The following LRP1B variants were observed in gnomAD, a reference collection of about 807,000 sequenced individuals.
LRP1B encodes the protein LDL receptor related protein 1B.
A neutral mutation model predicts 556.6 loss-of-function variants in LRP1B; 217 were observed. The ratio of observed to expected loss-of-function variants is 0.39; its 90% CI spans 0.35 to 0.44. LRP1B has a LOEUF of 0.44. LRP1B is among the 20% of genes least tolerant of loss of function. The pLI is 1.00. For missense variants in LRP1B, 5,053 were observed against 5,620.8 expected, an observed-to-expected ratio of 0.90 and a Z score of 3.23; for synonymous variants, 2,047 against 1,865.8, an observed-to-expected ratio of 1.10 and a Z score of -2.50.
intron 11 of LRP1B, among the ~76,000 whole-genome samples, chr2:141,032,694 T>C (rs999968990): frequency 6.6e-6 from 1 of 151,962 alleles, no homozygotes; most frequent in Non-Finnish European, 1.5e-5. Context: ...CATTGTTTTC[T>C]GTTATATGAA....
chr2:141,372,655 GT>G lies in LRP1B; in HGVS notation c.343+107740del, dbSNP rs536090988. Among the ~76,000 whole-genome samples, 623 of 152,000 alleles carry G rather than the reference GT, an allele frequency of 4.1e-3. 2 individuals carry two copies. The highest frequency in any genetic ancestry group is 0.014 in the African/African-American group (575 of 41,494). On this transcript the variant is annotated intron_variant, in intron 3 of 90. Coordinates refer to ENST00000389484, the MANE Select transcript of LRP1B (RefSeq NM_018557.3). ...GAATTTATTTCCTCTATCTTTTCTAGTTTGTGAGCATACAGATGTTCATAGC... is the reference window on the plus strand; with the variant it reads ...GAATTTATTTCCTCTATCTTTTCTAGTTGTGAGCATACAGATGTTCATAGC...
intron 18 of LRP1B, among the ~76,000 whole-genome samples, chr2:140,973,052 TTATATATA>T (rs200336213): frequency 0.042 from 5,773 of 138,418 alleles, 313 homozygotes; most frequent in African/African-American, 0.13. Context: ...ATATTTCATT[TTATATATA>T]TATATATATA....
chr2:140,352,929 T>A (rs1364617789), intron 76 of LRP1B, 24 bp downstream of exon 76: 2 of 1,592,808 alleles, frequency 1.3e-6, no homozygotes, highest in Non-Finnish European at 1.7e-6. Context: ...GTAATAGGAT[T>A]TGCAATAGTG....
At chr2:141,886,525 A>G (rs1699119709) in intron 1 of LRP1B, among the ~76,000 whole-genome samples, 1 of 152,174 alleles carries the variant, frequency 6.6e-6, no homozygotes, top group Non-Finnish European at 1.5e-5. Context: ...TGGACCTTGA[A>G]GGCTGAATGC....
At chr2:140,877,059 TC>T (rs1693331104) in intron 25 of LRP1B, among the ~76,000 whole-genome samples, 1 of 152,284 alleles carries the variant, frequency 6.6e-6, no homozygotes, top group South Asian at 2.1e-4. Context: ...TCATTTTTTT[TC>T]CTTTTTCCTT....
intron 6 of LRP1B, among the ~76,000 whole-genome samples, chr2:141,202,211 A>G (rs1237562070): frequency 6.7e-6 from 1 of 150,018 alleles, no homozygotes; most frequent in African/African-American, 2.4e-5. Flanking sequence ...CTCCAGCTCC[A>G]TCCATGTTAC....
intron 3 of LRP1B, among the ~76,000 whole-genome samples, chr2:141,373,527 T>C (rs1689312004): frequency 6.6e-6 from 1 of 152,086 alleles, no homozygotes; most frequent in African/African-American, 2.4e-5. Context: ...GACTCCAGTG[T>C]TGGGTGCATA....
At chr2:142,038,383 C>A (rs1703958199) in intron 1 of LRP1B, among the ~76,000 whole-genome samples, 1 of 151,578 alleles carries the variant, frequency 6.6e-6, no homozygotes, top group Admixed American at 6.6e-5. Context: ...CAGCTGCTAA[C>A]AAACTCAAAG....
chr2:140,932,938 C>CACATATACACATAT (rs990381648), intron 20 of LRP1B, among the ~76,000 whole-genome samples: 1 of 108,936 alleles, frequency 9.2e-6, no homozygotes, highest in East Asian at 2.7e-4. Context: ...TATATATATA[C>CACATATACACATAT]ACATATACAC....
intron 43 of LRP1B, among the ~76,000 whole-genome samples, chr2:140,588,352 G>C (rs908548852): frequency 1.3e-5 from 2 of 152,172 alleles, no homozygotes; most frequent in Admixed American, 6.5e-5. Flanking sequence ...TGGGTAAATG[G>C]TGATGCTTGT....
At chr2:141,457,226 T>C (rs990740523) in intron 3 of LRP1B, among the ~76,000 whole-genome samples, 1 of 152,252 alleles carries the variant, frequency 6.6e-6, no homozygotes, top group East Asian at 1.9e-4. Context: ...CTTGTGTGGT[T>C]TCAGGAGGCT....
intron 7 of LRP1B, among the ~76,000 whole-genome samples, chr2:141,103,997 T>C (rs1175177066): frequency 6.6e-6 from 1 of 152,076 alleles, no homozygotes; most frequent in Non-Finnish European, 1.5e-5. Flanking sequence ...ATTTTTTGTT[T>C]AGTTTCTTGC....
At chr2:140,274,686 A>C in intron 84 of LRP1B, 88 bp from the exon 85 acceptor site, 1 of 1,048,510 alleles carries the variant, frequency 9.5e-7, no homozygotes, top group South Asian at 1.7e-5. Flanking sequence ...TTCATTTATT[A>C]CTTAAAAATA....
chr2:141,070,424 C>T (rs1699605869), intron 7 of LRP1B, among the ~76,000 whole-genome samples: 1 of 151,632 alleles, frequency 6.6e-6, no homozygotes, highest in African/African-American at 2.4e-5. Flanking sequence ...AATTGACACC[C>T]TAACATCACT....
intron 2 of LRP1B, among the ~76,000 whole-genome samples, chr2:141,568,336 G>A (rs1477325111): frequency 1.3e-5 from 2 of 151,062 alleles, no homozygotes; most frequent in Admixed American, 6.6e-5. Context: ...AAAAAGGAAG[G>A]TTAGAGCCAA....
At chr2:140,921,453 T>C (rs1384510977) in intron 21 of LRP1B, among the ~76,000 whole-genome samples, 1 of 152,046 alleles carries the variant, frequency 6.6e-6, no homozygotes, top group East Asian at 1.9e-4. Context: ...CTTTGAAGTA[T>C]GTTAACTCGA....
chr2:141,485,358 T>C (rs1351679071), intron 2 of LRP1B, among the ~76,000 whole-genome samples: 1 of 152,098 alleles, frequency 6.6e-6, no homozygotes, highest in Non-Finnish European at 1.5e-5. Flanking sequence ...TACACTGGAG[T>C]AAATAGCAAA....
chr2:140,303,106 T>A (rs1476164547), intron 83 of LRP1B, among the ~76,000 whole-genome samples: 2 of 148,802 alleles, frequency 1.3e-5, no homozygotes, highest in East Asian at 3.9e-4. Context: ...GATACAAATA[T>A]ATATGCATAA....
intron 85 of LRP1B, among the ~76,000 whole-genome samples, chr2:140,272,258 AACAC>A (rs10654741): frequency 0.049 from 7,366 of 149,390 alleles, 198 homozygotes; most frequent in South Asian, 0.079. Flanking sequence ...TGCACACACA[AACAC>A]ACACACACAC....
Sources: gnomAD v4.1 joint callset for allele counts (sites outside exome capture counted in the v4.1 genomes callset) on GRCh38, gnomAD v4.1.1 for gene constraint, MANE v1.5 for transcripts, NCBI Gene and HGNC (gene_info 2026-07-23, HGNC 2026-07-21) for gene names.